MICAL2: variants seen among roughly 807,000 people sequenced by gnomAD.
MICAL2 encodes the protein [F-actin]-monooxygenase MICAL2.
A neutral mutation model predicts 127.3 loss-of-function variants in MICAL2; 77 were observed. The observed-to-expected ratio is 0.60, with a 90% CI of 0.50 to 0.73. The LOEUF (loss-of-function observed/expected upper bound fraction) is 0.73. MICAL2 is among the 30% of genes least tolerant of loss of function. The pLI is 0.00. For missense variants in MICAL2, 1,351 were observed against 1,434.4 expected (o/e 0.94, Z 0.94); for synonymous variants, 570 against 551.1 (o/e 1.03, Z -0.48).
intron 3 of MICAL2, among the ~76,000 whole-genome samples, chr11:12,162,800 A>G (rs1292365490): frequency 6.6e-6 from 1 of 152,220 alleles, no homozygotes; most frequent in African/African-American, 2.4e-5. Flanking sequence ...GCAGTCCTTC[A>G]GGCCATTTTA....
At chr11:12,307,839 A>G (rs1056662350) in intron 29 of MICAL2, among the ~76,000 whole-genome samples, 3 of 152,138 alleles carry the variant, frequency 2.0e-5, no homozygotes, top group Admixed American at 6.5e-5. Flanking sequence ...TTTACACTAA[A>G]AGCACACTTT....
chr11:12,152,298 A>C (rs1189100448), intron 2 of MICAL2, among the ~76,000 whole-genome samples: 6 of 28,824 alleles, frequency 2.1e-4, no homozygotes, highest in African/African-American at 6.6e-4. Flanking sequence ...ACTCTGTCTC[A>C]AAAAAAAAAA....
intron 29 of MICAL2, among the ~76,000 whole-genome samples, chr11:12,314,708 G>A (rs75874316): frequency 1.7e-4 from 25 of 148,388 alleles, no homozygotes; most frequent in African/African-American, 4.7e-4. Context: ...GGATGGTCTC[G>A]ATCTCCTGAC....
At position 12,238,001 on chromosome 11, in the gene MICAL2, T is replaced by G. The variant is rs73418156; in HGVS notation, c.2065-1435T>G. The stretch of plus-strand genomic sequence containing the variant: ...TGTTGTGCACAGTTACATTTCACTT[T>G]GAAGGAGGGTATGCCTCTTCGGTTT... On this transcript the variant is annotated intron_variant, in intron 16 of 27. Coordinates refer to ENST00000683283, the MANE Select transcript of MICAL2 (RefSeq NM_001282663.2). Among the ~76,000 whole-genome samples the G allele has an allele frequency of 5.1e-3, 776 of 152,374 alleles. 5 individuals carry two copies. The highest frequency in any genetic ancestry group is 0.012 in the African/African-American group (510 of 41,582).
intron 1 of MICAL2, among the ~76,000 whole-genome samples, chr11:12,130,286 A>G (rs1239011516): frequency 1.3e-5 from 2 of 152,138 alleles, no homozygotes; most frequent in Non-Finnish European, 2.9e-5. Context: ...GGGACCCTGC[A>G]ACTGAAGGTG....
chr11:12,357,872 T>A (rs1483573699), intron 34 of MICAL2, among the ~76,000 whole-genome samples: 1 of 152,106 alleles, frequency 6.6e-6, no homozygotes, highest in African/African-American at 2.4e-5. Context: ...ATTGTGGTCA[T>A]TGAAACAGTA....
At position 12,223,406 on chromosome 11, in the gene MICAL2, C is replaced by G. The variant is rs751296617; in HGVS notation, c.1450-5C>G. ...GGTGGGCAAGCATGTCTCTCTTGCT[C>G]ATAGGTGAAGCATTTGTATATCACT... is the stretch of plus-strand genomic sequence containing the variant. On this transcript the variant is annotated splice_polypyrimidine_tract_variant and splice_region_variant and intron_variant, in intron 11 of 27. Coordinates refer to ENST00000683283, the MANE Select transcript of MICAL2 (RefSeq NM_001282663.2). 6.2e-7 allele frequency: 1 copy of G among 1,612,962 alleles called. No homozygotes were observed. The highest frequency in any genetic ancestry group is 8.5e-7 in the Non-Finnish European group (1 of 1,179,150).
chr11:12,132,751 A>G (rs1447110403), intron 1 of MICAL2, among the ~76,000 whole-genome samples: 2 of 152,250 alleles, frequency 1.3e-5, no homozygotes, highest in African/African-American at 2.4e-5. Flanking sequence ...ACATGATTGT[A>G]GTCAGGAAGA....
chr11:12,217,297 G>A (rs1423346507), intron 8 of MICAL2, among the ~76,000 whole-genome samples: 8 of 152,154 alleles, frequency 5.3e-5, no homozygotes, highest in African/African-American at 7.2e-5. Flanking sequence ...TCTTTCCTGC[G>A]TGTGCTGGCA....
At chr11:12,169,636 G>A (rs1158372477) in intron 3 of MICAL2, among the ~76,000 whole-genome samples, 7 of 152,224 alleles carry the variant, frequency 4.6e-5, no homozygotes, top group South Asian at 4.1e-4. Context: ...TGCCTGCCTC[G>A]GCCTCCCAAA....
rs2306727 is a variant in MICAL2, at chr11:12,209,565, A to G, written c.658A>G (p.Ile220Val). 10,057 of 1,614,146 alleles carry G rather than the reference A, an allele frequency of 6.2e-3. 223 individuals carry two copies. The East Asian group carries it at 0.088, about 14-fold the overall frequency. ...GTCGGAGTTTGAGTTTGACGTCATC[A>G]TTGGTGCCGATGGCCGCAGGAACAC... is the stretch of plus-strand genomic sequence containing the variant. Reference protein sequence around the residue: ...SLSEFEFDVIIGADGRRNTLE... With the variant: ...SLSEFEFDVIVGADGRRNTLE... The change falls in exon 6 of 28, where the codon ATT becomes GTT. Residue 220 changes from isoleucine (I) to valine (V), a missense_variant. By Grantham distance (29) the Ile-to-Val change is conservative (BLOSUM62 3). This residue lies in a region of MICAL2 where 599 missense variants were observed against 714.9 expected (regional missense o/e 0.84). Coordinates refer to ENST00000683283, the MANE Select transcript of MICAL2 (RefSeq NM_001282663.2).
downstream of MICAL2, among the ~76,000 whole-genome samples, chr11:12,295,645 C>A (rs1863978044): frequency 6.6e-6 from 1 of 151,834 alleles, no homozygotes; most frequent in Non-Finnish European, 1.5e-5. Context: ...AGTCCTCTCA[C>A]CTTGACTTCC....
chr11:12,242,670 G>T lies in MICAL2; in HGVS notation c.2557-1G>T, dbSNP rs1161487755. ...TTTCTCCTTTCTCACCTTCACTGCA[G>T]AAGAGGGCTCAGAACTTGGCCAACA... On this transcript the variant is annotated splice_acceptor_variant, in intron 19 of 27. Transcript: ENST00000683283. LOFTEE classifies it high-confidence loss of function. 1.2e-6 allele frequency: 2 copies of T among 1,611,828 alleles called. No homozygotes were observed. The highest frequency in any genetic ancestry group is 1.7e-6 in the Non-Finnish European group (2 of 1,178,644).
intron 29 of MICAL2, among the ~76,000 whole-genome samples, chr11:12,310,807 A>T (rs1452977618): frequency 1.3e-5 from 2 of 152,008 alleles, no homozygotes; most frequent in Non-Finnish European, 2.9e-5. Flanking sequence ...CATGAGGATG[A>T]GACTTCTTTC....
chr11:12,158,258 T>C (rs1200239574), intron 2 of MICAL2, among the ~76,000 whole-genome samples: 1 of 152,212 alleles, frequency 6.6e-6, no homozygotes, highest in Non-Finnish European at 1.5e-5. Flanking sequence ...TAAGGGATAC[T>C]CAACCTGTAT....
chr11:12,167,932 A>G (rs1366706040), intron 3 of MICAL2, among the ~76,000 whole-genome samples: 1 of 152,190 alleles, frequency 6.6e-6, no homozygotes, highest in Admixed American at 6.5e-5. Flanking sequence ...AGCTGTCCTC[A>G]TAGGAAGTTG....
At chr11:12,216,841 T>C (rs976130997) in intron 8 of MICAL2, among the ~76,000 whole-genome samples, 3 of 152,184 alleles carry the variant, frequency 2.0e-5, no homozygotes, top group Non-Finnish European at 2.9e-5. Flanking sequence ...AGTCTTCTTA[T>C]CTACAAAATA....
chr11:12,348,836 G>T (rs1287311164), intron 32 of MICAL2, among the ~76,000 whole-genome samples: 1 of 152,122 alleles, frequency 6.6e-6, no homozygotes, highest in Admixed American at 6.6e-5. Flanking sequence ...TTTGTTATGA[G>T]GATTAAATTA....
chr11:12,180,434 G>A (rs190366176), intron 3 of MICAL2, among the ~76,000 whole-genome samples: 3 of 152,030 alleles, frequency 2.0e-5, no homozygotes, highest in African/African-American at 7.2e-5. Context: ...ACAGGTGTGG[G>A]TGACACTGAT....
Sources: allele counts gnomAD v4.1 joint callset (sites outside exome capture counted in the v4.1 genomes callset), GRCh38; gene constraint gnomAD v4.1.1; regional missense constraint gnomAD v4.1.1; transcripts MANE v1.5; gene names NCBI Gene and HGNC (gene_info 2026-07-23, HGNC 2026-07-21).